Variants in ASPSCR1 observed in about 807,000 individuals in gnomAD.
ASPSCR1 encodes ASPSCR1 tether for SLC2A4, UBX domain containing.
A neutral mutation model predicts 68.9 loss-of-function variants in ASPSCR1; 55 were observed. The observed-to-expected ratio is 0.80, with a 90% CI of 0.64 to 1.00. The LOEUF (loss-of-function observed/expected upper bound fraction) is 1.00, where lower values mean the gene tolerates loss of function less well. Ranked by LOEUF, ASPSCR1 falls within the 50% of genes least tolerant of loss-of-function variation. The pLI is 0.00. For synonymous variants in ASPSCR1, 352 were observed against 332.6 expected, an observed-to-expected ratio of 1.06 and a Z score of -0.63; for missense variants, 765 against 762.2, an observed-to-expected ratio of 1.00 and a Z score of -0.04.
intron 3 of ASPSCR1, 37 bp from the exon 4 acceptor site, chr17:81,985,469 TC>T (rs1387058642): frequency 6.3e-7 from 1 of 1,594,474 alleles, no homozygotes; most frequent in African/African-American, 1.3e-5. Context: ...TAGTTGCTTT[TC>T]TTCCTAAGGA....
chr17:82,006,287 G>C (rs1206818354), intron 7 of ASPSCR1: 7 of 151,802 alleles, frequency 4.6e-5, no homozygotes, highest in African/African-American at 7.3e-5. Context: ...GCGGGTGCAC[G>C]TGCGTGTTTG....
intron 1 of ASPSCR1, 29 bp from the exon 2 acceptor site, chr17:81,979,155 A>G: frequency 1.2e-6 from 2 of 1,612,680 alleles, no homozygotes; most frequent in Non-Finnish European, 1.7e-6. Context: ...CACACTCAGC[A>G]GTTCACCATC....
In ASPSCR1 at chr17:81,995,336, A is replaced by G. The variant is rs1439985592; in HGVS notation, c.432+458A>G. On this transcript the variant is annotated intron_variant, in intron 5 of 15. Coordinates refer to ENST00000306739, the MANE Select transcript of ASPSCR1 (RefSeq NM_024083.4). ...CCTGGGGGGCCAGGACATTCCCCGCATTTATCCCCATTTGGAAGCTCCCTG... is the reference window on the plus strand; with the variant it reads ...CCTGGGGGGCCAGGACATTCCCCGCGTTTATCCCCATTTGGAAGCTCCCTG... The G allele has an allele frequency of 1.6e-4, 47 of 299,108 alleles. No homozygotes were observed. In the Admixed American group the frequency reaches 2.1e-3, roughly 13 times the overall value. 18.5% of individuals were successfully genotyped at this position (299,108 alleles called of 1,614,324 possible).
intron 7 of ASPSCR1, among the ~76,000 whole-genome samples, chr17:81,998,111 G>C (rs890752348): frequency 2.0e-5 from 3 of 152,174 alleles, no homozygotes; most frequent in African/African-American, 7.2e-5. Context: ...ACAGGCTTGA[G>C]CCACCGCGCC....
At chr17:82,013,181 G>A (rs866095176) in intron 12 of ASPSCR1, 7 of 152,230 alleles carry the variant, frequency 4.6e-5, no homozygotes, top group Admixed American at 4.6e-4. Context: ...GGAGGGGTGA[G>A]ACAGTCCCCT....
In ASPSCR1 at chr17:81,985,438, C is replaced by A. The variant is rs1333366753; in HGVS notation, c.274-69C>A. On this transcript the variant is annotated intron_variant, in intron 3 of 15. Transcript: ENST00000306739. The stretch of plus-strand genomic sequence containing the variant: ...GTCACCCTCTCTGTGTCTGGAGAAT[C>A]AGTCTGGGATTTAGAAGGAATAGTT... The A allele has an allele frequency of 3.3e-6, 5 of 1,510,744 alleles. No homozygotes were observed. In the African/African-American group the frequency reaches 5.5e-5, roughly 17 times the overall value. The allele number at this position is 1,510,744 out of a possible 1,614,324, so 93.6% of individuals were successfully genotyped here.
chr17:81,999,033 G>A lies in ASPSCR1; in HGVS notation c.933+2187G>A, dbSNP rs79469172. ...TTTCCTTTGTCCCTGTCCTGACCCC[G>A]CATCAGAGCCCTGCACCTGGGCTGC... On this transcript the variant is annotated intron_variant, in intron 7 of 15. Transcript: ENST00000306739. The surrounding 1 kb of genome is among the most constrained non-coding windows in gnomAD (Gnocchi z 4.4). Among the ~76,000 whole-genome samples, 6 of 152,350 alleles carry A rather than the reference G, an allele frequency of 3.9e-5. No homozygotes were observed. In the Middle Eastern group the frequency reaches 0.014, roughly 345 times the overall value.
At chr17:82,003,949 C>T (rs373075414) in intron 7 of ASPSCR1, among the ~76,000 whole-genome samples, 12 of 152,198 alleles carry the variant, frequency 7.9e-5, no homozygotes, top group Non-Finnish European at 1.5e-4. Flanking sequence ...TCCCTCTCAC[C>T]GGAGCCCTGG....
chr17:82,001,503 G>A (rs1393786355), intron 7 of ASPSCR1, among the ~76,000 whole-genome samples: 1 of 152,186 alleles, frequency 6.6e-6, no homozygotes, highest in African/African-American at 2.4e-5. Flanking sequence ...ATGGCTCAGC[G>A]ACTTTGCAGG....
intron 4 of ASPSCR1, 53 bp downstream of exon 4, chr17:81,985,660 G>C: frequency 6.4e-7 from 1 of 1,559,552 alleles, no homozygotes; most frequent in Non-Finnish European, 8.8e-7. Context: ...TGGGGAAGCT[G>C]CTGTGGTTAC....
intron 4 of ASPSCR1, among the ~76,000 whole-genome samples, chr17:81,988,561 C>T (rs971079194): frequency 6.6e-5 from 10 of 152,118 alleles, no homozygotes; most frequent in Admixed American, 2.0e-4. Flanking sequence ...CCCCAGCCTG[C>T]GGCCCTGGTC....
rs930241233 is a variant in ASPSCR1, at chr17:81,983,045, T to C, written c.159-509T>C. Among the ~76,000 whole-genome samples the C allele has an allele frequency of 1.3e-5, 2 of 152,174 alleles. No homozygotes were observed. The highest frequency in any genetic ancestry group is 1.5e-5 in the Non-Finnish European group (1 of 68,026). On this transcript the variant is annotated intron_variant, in intron 2 of 15. Coordinates refer to ENST00000306739, the MANE Select transcript of ASPSCR1 (RefSeq NM_024083.4). This position sits in a 1 kb window ranked among gnomAD's most constrained non-coding sequence, Gnocchi z 4.4. ...TTTCAGTAGAGACGGGGTTTCACCA[T>C]GTTGGTCAGGCTTGTCTCAAACTCC...
At chr17:82,000,755 GA>G (rs2042502459) in intron 7 of ASPSCR1, among the ~76,000 whole-genome samples, 1 of 152,216 alleles carries the variant, frequency 6.6e-6, no homozygotes, top group South Asian at 2.1e-4. Flanking sequence ...TTAATTATTA[GA>G]AGGTAGTTTT....
Position 82,017,129 on chromosome 17 carries a change from G to A in ASPSCR1, c.1648+16G>A. On this transcript the variant is annotated intron_variant, in intron 15 of 15. Coordinates refer to ENST00000306739, the MANE Select transcript of ASPSCR1 (RefSeq NM_024083.4). ...AAGCTGCCGGGTACTGCGGCTGGGT[G>A]GAAGGTGGGGTGCTGTGGCCGGGTG... is the stretch of plus-strand genomic sequence containing the variant. The A allele has an allele frequency of 6.3e-7, 1 of 1,578,140 alleles. No homozygotes were observed. The highest frequency in any genetic ancestry group is 8.6e-7 in the Non-Finnish European group (1 of 1,164,448).
chr17:82,004,461 C>G (rs1044089151), intron 7 of ASPSCR1: 2 of 152,314 alleles, frequency 1.3e-5, no homozygotes, highest in African/African-American at 4.8e-5. Context: ...CAGGAAGGGG[C>G]TAAAGGGGCA....
intron 2 of ASPSCR1, among the ~76,000 whole-genome samples, chr17:81,979,952 A>G (rs1231013521): frequency 6.6e-6 from 1 of 151,968 alleles, no homozygotes; most frequent in African/African-American, 2.4e-5. Context: ...GAAGCTTTTC[A>G]CTTTAAAGTC....
chr17:82,012,055 T>C, intron 11 of ASPSCR1, 176 bp from the exon 12 acceptor site: 2 of 818,048 alleles, frequency 2.4e-6, no homozygotes, highest in Non-Finnish European at 4.1e-6. Flanking sequence ...CCACCGGCCC[T>C]TCCGAGCCCT....
chr17:82,011,751 C>T, intron 11 of ASPSCR1, 146 bp downstream of exon 11: 1 of 888,824 alleles, frequency 1.1e-6, no homozygotes, highest in Non-Finnish European at 1.7e-6. Flanking sequence ...CTCCTGCAGC[C>T]CATGGTGTCT....
rs1164577091 is a variant in ASPSCR1, at chr17:82,012,298, C to T, written c.1353+15C>T. ...CCCTCTTTCAGGTACCTGAGGGCCT[C>T]CCTGGGGTGCTGCGGGGCGGGGCCC... is the stretch of plus-strand genomic sequence containing the variant. On this transcript the variant is annotated intron_variant, in intron 12 of 15. Coordinates refer to ENST00000306739, the MANE Select transcript of ASPSCR1 (RefSeq NM_024083.4). The T allele has an allele frequency of 6.2e-6, 10 of 1,612,514 alleles. No individual in the cohort carries two copies. Among genetic ancestry groups the T allele is most frequent in the African/African-American group, 4.0e-5 (3 of 74,906 alleles).
Sources: gnomAD v4.1 joint callset for allele counts (sites outside exome capture counted in the v4.1 genomes callset) on GRCh38, gnomAD v4.1.1 for gene constraint, Gnocchi (gnomAD v3.1) non-coding constraint, MANE v1.5 for transcripts, NCBI Gene and HGNC (gene_info 2026-07-23, HGNC 2026-07-21) for gene names.